Variants in SGMS1 observed in about 807,000 individuals in gnomAD.
The protein encoded by SGMS1 is phosphatidylcholine:ceramide cholinephosphotransferase 1.
A neutral mutation model predicts 46.2 loss-of-function variants in SGMS1; 13 were observed. That is an observed-to-expected ratio of 0.28 (90% CI 0.18 to 0.45). The LOEUF (loss-of-function observed/expected upper bound fraction) is 0.45. Among genes scored for constraint, SGMS1 ranks in the 20% least tolerant of loss-of-function variants. The pLI is 1.00. For synonymous variants in SGMS1, 203 were observed against 187.8 expected (o/e 1.08, Z -0.66); for missense variants, 324 against 519.9 (o/e 0.62, Z 3.66).
intron 8 of SGMS1, among the ~76,000 whole-genome samples, chr10:50,325,000 T>A (rs1052046588): frequency 2.0e-5 from 3 of 152,224 alleles, no homozygotes; most frequent in Non-Finnish European, 4.4e-5. Context: ...ACAATCAGGA[T>A]ATCGCATCAA....
chr10:50,469,392 G>A (rs1837359151), intron 3 of SGMS1, among the ~76,000 whole-genome samples: 1 of 152,162 alleles, frequency 6.6e-6, no homozygotes, highest in Non-Finnish European at 1.5e-5. Flanking sequence ...GAGCACCCTG[G>A]TGATCTTCCT....
chr10:50,451,419 TA>T (rs1454549997), intron 5 of SGMS1, among the ~76,000 whole-genome samples: 1 of 152,230 alleles, frequency 6.6e-6, no homozygotes, highest in East Asian at 1.9e-4. Context: ...CTCTGATCAT[TA>T]AAACTTGAGC....
intron 6 of SGMS1, among the ~76,000 whole-genome samples, chr10:50,358,000 C>G (rs1848181545): frequency 6.6e-6 from 1 of 152,142 alleles, no homozygotes; most frequent in South Asian, 2.1e-4. Flanking sequence ...ACAAAAGCAC[C>G]TGGACATGGT....
In SGMS1 at chr10:50,338,114, C is replaced by T. The variant is rs536566164; in HGVS notation, c.623+5378G>A. 6.6e-5 allele frequency among the ~76,000 whole-genome samples: 10 copies of T among 152,292 alleles called. No homozygotes were observed. The South Asian group carries it at 1.2e-3, about 19-fold the overall frequency. ...CATCATTTTTCTTCTTTACTTCCTT[C>T]CCTTTTGGCATGGGATCAATTTTCA... On this transcript the variant is annotated intron_variant, in intron 7 of 10. Transcript: ENST00000361781.
chr10:50,613,274 C>T (rs67094247), intron 1 of SGMS1, among the ~76,000 whole-genome samples: 38,041 of 152,096 alleles, frequency 0.25, 5,710 homozygotes, highest in African/African-American at 0.41. Flanking sequence ...CATCCCACCC[C>T]TGACCCAGGG....
chr10:50,599,875 AAAAGAAAG>A (rs1017841776), intron 1 of SGMS1, among the ~76,000 whole-genome samples: 1 of 152,320 alleles, frequency 6.6e-6, no homozygotes, highest in South Asian at 2.1e-4. Flanking sequence ...AAAATTTTAA[AAAAGAAAG>A]AAAGAAAGAA....
At chr10:50,459,413 T>TC (rs1837236491) in intron 5 of SGMS1, among the ~76,000 whole-genome samples, 2 of 151,582 alleles carry the variant, frequency 1.3e-5, no homozygotes, top group South Asian at 4.2e-4. Context: ...GAATAAGAAT[T>TC]TTTTTTTTAG....
chr10:50,355,158 G>C (rs144266958), intron 6 of SGMS1, among the ~76,000 whole-genome samples: 2,056 of 152,294 alleles, frequency 0.014, 56 homozygotes, highest in African/African-American at 0.048. Flanking sequence ...GTTTACTGTG[G>C]CACTATTCAC....
intron 6 of SGMS1, among the ~76,000 whole-genome samples, chr10:50,380,378 CAAA>C (rs10646459): frequency 2.5e-5 from 3 of 121,496 alleles, no homozygotes; most frequent in Non-Finnish European, 1.8e-5. Flanking sequence ...GACTCTGTAT[CAAA>C]AAAAAAAAAA....
intron 6 of SGMS1, among the ~76,000 whole-genome samples, chr10:50,360,278 C>G (rs1848225737): frequency 1.3e-5 from 2 of 152,196 alleles, no homozygotes; most frequent in South Asian, 4.1e-4. Flanking sequence ...CATAAAGCAA[C>G]TCCAGTCTCA....
intron 4 of SGMS1, among the ~76,000 whole-genome samples, chr10:50,462,309 G>T (rs1467164603): frequency 6.6e-6 from 1 of 151,990 alleles, no homozygotes; most frequent in Admixed American, 6.6e-5. Flanking sequence ...ATATAAAAGG[G>T]CACCATCTCC....
At chr10:50,585,914 G>A (rs1838479413) in intron 2 of SGMS1, among the ~76,000 whole-genome samples, 1 of 152,182 alleles carries the variant, frequency 6.6e-6, no homozygotes, top group African/African-American at 2.4e-5. Context: ...GACTACAGAG[G>A]TTATGATTAC....
intron 1 of SGMS1, among the ~76,000 whole-genome samples, chr10:50,617,881 A>ATT (rs1232490399): frequency 3.3e-4 from 44 of 134,282 alleles, no homozygotes; most frequent in African/African-American, 7.7e-4. Context: ...CCCTGGCTTA[A>ATT]TTTTTTTTTT....
chr10:50,518,955 C>G (rs952735674), intron 3 of SGMS1, among the ~76,000 whole-genome samples: 2 of 152,044 alleles, frequency 1.3e-5, no homozygotes, highest in Non-Finnish European at 2.9e-5. Context: ...AGCGGGGCAA[C>G]AAAATACCAA....
At chr10:50,350,205 G>A (rs999252180) in intron 6 of SGMS1, among the ~76,000 whole-genome samples, 1 of 152,188 alleles carries the variant, frequency 6.6e-6, no homozygotes, top group African/African-American at 2.4e-5. Flanking sequence ...CCCTGCCCTA[G>A]AGATTTGTGG....
At chr10:50,569,299 TAAAAAAAA>T (rs72066798) in intron 2 of SGMS1, among the ~76,000 whole-genome samples, 1 of 130,528 alleles carries the variant, frequency 7.7e-6, no homozygotes, top group South Asian at 2.6e-4. Flanking sequence ...CTTAAAGTAT[TAAAAAAAA>T]AAAAAAAAAA....
chr10:50,434,526 A>C (rs2133621384), intron 5 of SGMS1, among the ~76,000 whole-genome samples: 1 of 152,240 alleles, frequency 6.6e-6, no homozygotes, highest in African/African-American at 2.4e-5. Flanking sequence ...CATAGACAGA[A>C]ACCTCAAGTT....
At chr10:50,340,477 A>G (rs188045112) in intron 7 of SGMS1, 1 of 152,290 alleles carries the variant, frequency 6.6e-6, no homozygotes, top group African/African-American at 2.4e-5. Flanking sequence ...AAATGGGGAG[A>G]CAACATTATT....
intron 6 of SGMS1, among the ~76,000 whole-genome samples, chr10:50,347,191 T>C (rs1847928704): frequency 6.6e-6 from 1 of 152,196 alleles, no homozygotes; most frequent in Non-Finnish European, 1.5e-5. Flanking sequence ...GTAGCTACAA[T>C]GTTAAGCACC....
Sources: allele counts gnomAD v4.1 joint callset (sites outside exome capture counted in the v4.1 genomes callset), GRCh38; gene constraint gnomAD v4.1.1; transcripts MANE v1.5; gene names NCBI Gene and HGNC (gene_info 2026-07-23, HGNC 2026-07-21).